Variants in PRKN observed in about 807,000 individuals in gnomAD.
PRKN encodes E3 ubiquitin-protein ligase parkin.
Under a neutral mutation model 59.5 loss-of-function variants are expected in PRKN, and 56 were observed. That is an observed-to-expected ratio of 0.94 (90% CI 0.76 to 1.18). The LOEUF (loss-of-function observed/expected upper bound fraction) is 1.18. Among genes scored for constraint, PRKN ranks in the 50% most tolerant of loss-of-function variants. PRKN has a pLI of 0.00. For synonymous variants in PRKN, 250 were observed against 222.1 expected (o/e 1.13, Z -1.12); for missense variants, 657 against 596.4 (o/e 1.10, Z -1.06).
intron 2 of PRKN, among the ~76,000 whole-genome samples, chr6:162,271,040 A>G (rs1333982424): frequency 3.6e-5 from 2 of 54,996 alleles, no homozygotes; most frequent in Non-Finnish European, 6.0e-5. Flanking sequence ...TTTTTTTTGT[A>G]GAGATGGGAT....
intron 1 of PRKN, among the ~76,000 whole-genome samples, chr6:162,723,955 G>A (rs1336170103): frequency 1.3e-5 from 2 of 152,146 alleles, no homozygotes; most frequent in Admixed American, 6.5e-5. Context: ...AATGGTTTTT[G>A]TCAATCAAAA....
intron 6 of PRKN, among the ~76,000 whole-genome samples, chr6:161,873,412 G>A (rs1794424591): frequency 6.6e-6 from 1 of 151,956 alleles, no homozygotes; most frequent in African/African-American, 2.4e-5. Flanking sequence ...CGAGACAGAA[G>A]AGGAGGCACG....
intron 2 of PRKN, among the ~76,000 whole-genome samples, chr6:162,339,134 G>A (rs1405624972): frequency 4.4e-4 from 64 of 144,272 alleles, no homozygotes; most frequent in Admixed American, 1.2e-3. Flanking sequence ...CCCTCCGCCC[G>A]GCAGCCGCCC....
intron 7 of PRKN, among the ~76,000 whole-genome samples, chr6:161,748,518 T>C (rs529168871): frequency 3.3e-5 from 5 of 152,204 alleles, no homozygotes; most frequent in Non-Finnish European, 7.4e-5. Context: ...CTCCTCCTTC[T>C]ATAGGGTCTG....
intron 9 of PRKN, among the ~76,000 whole-genome samples, chr6:161,535,441 G>T (rs1779377798): frequency 6.6e-6 from 1 of 152,200 alleles, no homozygotes; most frequent in African/African-American, 2.4e-5. Flanking sequence ...GCACACAAGT[G>T]AATGGTATTT....
rs111755333 is a variant in PRKN at position 161,542,607 on chromosome 6, A to G, written c.1083+6247T>C. Among the ~76,000 whole-genome samples the G allele has an allele frequency of 9.6e-3, 1,461 of 152,348 alleles. 29 individuals are homozygous for G. Among genetic ancestry groups the G allele is most frequent in the African/African-American group, 0.034 (1,395 of 41,580 alleles). On this transcript the variant is annotated intron_variant, in intron 9 of 11. Coordinates refer to ENST00000366898, the MANE Select transcript of PRKN (RefSeq NM_004562.3). ...GAGTTTAAATTAGATTTTTGGACACATGTCAAATAAACATGGACTGCATAT... is the reference window on the plus strand; with the variant it reads ...GAGTTTAAATTAGATTTTTGGACACGTGTCAAATAAACATGGACTGCATAT...
At chr6:161,809,089 C>G (rs1791456062) in intron 6 of PRKN, among the ~76,000 whole-genome samples, 1 of 152,192 alleles carries the variant, frequency 6.6e-6, no homozygotes, top group Non-Finnish European at 1.5e-5. Context: ...AGTCCGCCCA[C>G]CTCAGCCTCC....
intron 6 of PRKN, among the ~76,000 whole-genome samples, chr6:161,822,024 T>C (rs1232340839): frequency 1.3e-5 from 2 of 152,116 alleles, no homozygotes; most frequent in East Asian, 3.9e-4. Flanking sequence ...TTAAAATTAC[T>C]AGTGAGTTCA....
intron 7 of PRKN, among the ~76,000 whole-genome samples, chr6:161,657,908 C>T (rs930965333): frequency 2.7e-5 from 4 of 147,938 alleles, no homozygotes; most frequent in Admixed American, 6.8e-5. Context: ...GGTGCCCACT[C>T]GGGAGGCTGA....
chr6:162,535,751 T>C (rs374246057), intron 1 of PRKN, among the ~76,000 whole-genome samples: 260 of 151,600 alleles, frequency 1.7e-3, no homozygotes, highest in African/African-American at 6.1e-3. Context: ...TTACCAAAAA[T>C]AGAAAAAATT....
intron 4 of PRKN, among the ~76,000 whole-genome samples, chr6:162,116,420 C>G (rs1780675013): frequency 6.6e-6 from 1 of 152,122 alleles, no homozygotes; most frequent in Non-Finnish European, 1.5e-5. Context: ...AAACAGCTCT[C>G]TAGGAAAGGG....
intron 6 of PRKN, among the ~76,000 whole-genome samples, chr6:161,903,099 A>C (rs1028909003): frequency 1.2e-4 from 18 of 152,120 alleles, no homozygotes; most frequent in African/African-American, 4.3e-4. Flanking sequence ...CAGATGTCCG[A>C]AGTTGCCCAG....
At chr6:162,536,928 T>C (rs566956140) in intron 1 of PRKN, among the ~76,000 whole-genome samples, 72 of 152,294 alleles carry the variant, frequency 4.7e-4, no homozygotes, top group African/African-American at 1.6e-3. Context: ...TATGCATACA[T>C]ATATATGTAC....
rs1386651189 is a variant in PRKN, at chr6:162,167,533, G to A, written c.534+33598C>T. On this transcript the variant is annotated intron_variant, in intron 4 of 11. Coordinates refer to ENST00000366898, the MANE Select transcript of PRKN (RefSeq NM_004562.3). ...AGGGATCTGACTATTATAGAGAAAA[G>A]TAATTAATTTCCACGAAACAGTCAG... Among the ~76,000 whole-genome samples the A allele has an allele frequency of 2.0e-5, 3 of 151,866 alleles. No homozygotes were observed. The South Asian group carries it at 6.2e-4, about 32-fold the overall frequency.
At chr6:161,568,378 C>T (rs995958001) in intron 8 of PRKN, among the ~76,000 whole-genome samples, 9 of 152,132 alleles carry the variant, frequency 5.9e-5, no homozygotes, top group Admixed American at 4.6e-4. Flanking sequence ...CGGATCATGA[C>T]GTCAGGAAAT....
chr6:161,417,965 C>G lies in PRKN; in HGVS notation c.1084-31088G>C, dbSNP rs527513889. Among the ~76,000 whole-genome samples the G allele has an allele frequency of 1.1e-4, 16 of 152,310 alleles. No homozygotes were observed. Among genetic ancestry groups the G allele is most frequent in the African/African-American group, 3.9e-4 (16 of 41,556 alleles). ...CTGGGAGCTGCAGGCTGGCTTCCCA[C>G]GCTCCCTCCTGGGCCTGGCCCCCAG... On this transcript the variant is annotated intron_variant, in intron 9 of 11. Coordinates refer to ENST00000366898, the MANE Select transcript of PRKN (RefSeq NM_004562.3). The surrounding 1 kb of genome is among the most constrained non-coding windows in gnomAD (Gnocchi z 5.4).
At chr6:161,716,972 G>A (rs551735768) in intron 7 of PRKN, among the ~76,000 whole-genome samples, 32 of 152,146 alleles carry the variant, frequency 2.1e-4, no homozygotes, top group Admixed American at 3.3e-4. Context: ...GCTGGTTATC[G>A]GAGGGTAACA....
rs9346872 is a variant in PRKN at position 161,610,802 on chromosome 6, C to T, written c.872-41386G>A. 6.0e-3 allele frequency among the ~76,000 whole-genome samples: 910 copies of T among 152,168 alleles called. 24 individuals carry two copies. In the East Asian group the frequency reaches 0.072, roughly 12 times the overall value. ...AGGGGCCTGGGCTTGGCCGGGGTGT[C>T]CATAGCAGAGCCAAGGTGCTTGTGT... On this transcript the variant is annotated intron_variant, in intron 7 of 11. Coordinates refer to ENST00000366898, the MANE Select transcript of PRKN (RefSeq NM_004562.3).
At position 162,192,442 on chromosome 6, in the gene PRKN, A is replaced by ATTTTTT. The variant is rs10534285; in HGVS notation, c.534+8683_534+8688dup. ...GGTAAGCATTCAATAAATTATAGGG[A>ATTTTTT]TTTTTTTTTTTTTTTTTTTTTTTTT... On this transcript the variant is annotated intron_variant, in intron 4 of 11. Coordinates refer to ENST00000366898, the MANE Select transcript of PRKN (RefSeq NM_004562.3). Among the ~76,000 whole-genome samples the ATTTTTT allele has an allele frequency of 4.7e-4, 35 of 74,728 alleles. 4 individuals are homozygous for ATTTTTT. Among genetic ancestry groups the ATTTTTT allele is most frequent in the African/African-American group, 2.0e-3 (31 of 15,614 alleles). 49.0% of individuals were successfully genotyped at this position (74,728 alleles called of 152,430 possible).
Sources: allele counts gnomAD v4.1 joint callset (sites outside exome capture counted in the v4.1 genomes callset), GRCh38; gene constraint gnomAD v4.1.1; non-coding constraint Gnocchi (gnomAD v3.1); transcripts MANE v1.5; gene names NCBI Gene and HGNC (gene_info 2026-07-23, HGNC 2026-07-21).